ADAMTS1: variants seen among roughly 807,000 people sequenced by gnomAD.
The protein encoded by ADAMTS1 is A disintegrin and metalloproteinase with thrombospondin motifs 1.
In ADAMTS1, 19 loss-of-function variants were observed where a neutral mutation model predicts 87.9. The ratio of observed to expected loss-of-function variants is 0.22; its 90% confidence interval spans 0.15 to 0.32. The LOEUF (loss-of-function observed/expected upper bound fraction) is 0.32. Ranked by LOEUF, ADAMTS1 falls within the 10% of genes least tolerant of loss-of-function variation. The pLI, the probability that ADAMTS1 is intolerant of heterozygous loss-of-function variation, is 1.00. For missense variants in ADAMTS1, 1,240 were observed against 1,259.1 expected (o/e 0.98, Z 0.23); for synonymous variants, 542 against 501.8 (o/e 1.08, Z -1.07).
Position 26,837,498 on chromosome 21 carries a change from A to C in ADAMTS1, c.*81T>G. On this transcript the variant is annotated 3_prime_UTR_variant, in exon 9 of 9. Coordinates refer to ENST00000284984, the MANE Select transcript of ADAMTS1 (RefSeq NM_006988.5). The stretch of plus-strand genomic sequence containing the variant: ...ACTGGTTACTGGCAAGATACGCTGG[A>C]TCCCTCCAGCCTTCTTGCTTTCCCT... 1 of 1,238,260 alleles carries C rather than the reference A, an allele frequency of 8.1e-7. No homozygotes were observed. The highest frequency in any genetic ancestry group is 1.2e-6 in the Non-Finnish European group (1 of 862,238). 76.7% of individuals were successfully genotyped at this position (1,238,260 alleles called of 1,614,324 possible).
At position 26,841,899 on chromosome 21, in the gene ADAMTS1, T is replaced by C. The variant is rs1430552225; in HGVS notation, c.1169A>G (p.Asp390Gly). ...DPSRSCSVIEDDGLQAAFTTA... is the reference protein window; with the variant it reads ...DPSRSCSVIEGDGLQAAFTTA... ...GGTGAAGGCAGCTTGTAAACCATCA[T>C]CTTCTATGACGGAGCAGCTTCTGCT... Residue 390 changes from aspartate (D) to glycine (G), a missense_variant, in exon 3 of 9, where the codon GAT becomes GGT. Asp to Gly is a moderately conservative substitution (Grantham distance 94). Coordinates refer to ENST00000284984, the MANE Select transcript of ADAMTS1 (RefSeq NM_006988.5). 1.2e-6 allele frequency: 2 copies of C among 1,614,054 alleles called. No individual in the cohort carries two copies. The highest frequency in any genetic ancestry group is 4.5e-5 in the East Asian group (2 of 44,870).
At position 26,844,400 on chromosome 21, in the gene ADAMTS1, G is replaced by A. The variant is rs1274556883; in HGVS notation, c.555C>T (p.Leu185=). ...CGTCGCCCTGCCGATTCCGCCGCAG[G>A]AGGTGGAACTGTAGTGGTGCCGGCG... ...EKPPAPLQFH[L]LRRNRQGDVG... is the part of the protein sequence containing the mutation. The change falls in exon 1 of 9, where the codon CTC becomes CTT. Residue 185 remains leucine (L), a synonymous_variant. Coordinates refer to ENST00000284984, the MANE Select transcript of ADAMTS1 (RefSeq NM_006988.5). 3.1e-6 allele frequency: 5 copies of A among 1,595,626 alleles called. No homozygotes were observed. Among genetic ancestry groups the A allele is most frequent in the East Asian group, 2.3e-5 (1 of 43,838 alleles).
intron 7 of ADAMTS1, 91 bp downstream of exon 7, chr21:26,839,496 G>T: frequency 8.3e-7 from 1 of 1,202,840 alleles, no homozygotes; most frequent in Non-Finnish European, 1.1e-6. Context: ...ATGTTAATAT[G>T]GAAAGCAAAG....
At position 26,839,682 on chromosome 21, in the gene ADAMTS1, A is replaced by G. The variant is rs1215015839; in HGVS notation, c.1933T>C (p.Trp645Arg). 1 of 1,613,996 alleles carries G rather than the reference A, an allele frequency of 6.2e-7. No individual in the cohort carries two copies. The highest frequency in any genetic ancestry group is 8.5e-7 in the Non-Finnish European group (1 of 1,179,890). The change falls in exon 7 of 9, where the codon TGG (tryptophan) becomes CGG (arginine). Residue 645 changes from tryptophan (W) to arginine (R), a missense_variant. Around this residue, in one of 3 missense-constraint regions of ADAMTS1, gnomAD observed 402 missense variants for 399.1 expected, o/e 1.01. Transcript: ENST00000284984. ...ASFGSGPAVE[W>R]IPKYAGVSPK... ...GAGACGCCAGCGTACTTGGGAATCC[A>G]TTCCACCGCAGGCCCACTCCCAAAG...
rs979194519 is a variant in ADAMTS1, at chr21:26,845,103, A to G, written c.-149T>C. On this transcript the variant is annotated 5_prime_UTR_variant, in exon 1 of 9. Transcript: ENST00000284984. Reference sequence around the variant, plus strand: ...TGGAAGGGCGCGCAGAGCCGGCTACAGCCGAAGCTCCCGGAGTCACTAAAA... The same window carrying G: ...TGGAAGGGCGCGCAGAGCCGGCTACGGCCGAAGCTCCCGGAGTCACTAAAA... 21 of 1,134,250 alleles carry G rather than the reference A, an allele frequency of 1.9e-5. No individual in the cohort carries two copies. The African/African-American group carries it at 2.9e-4, about 16-fold the overall frequency. 70.3% of individuals were successfully genotyped at this position (1,134,250 alleles called of 1,614,324 possible).
At position 26,844,614 on chromosome 21, in the gene ADAMTS1, G is replaced by C; in HGVS notation, c.341C>G (p.Pro114Arg). 1 of 1,609,844 alleles carries C rather than the reference G, an allele frequency of 6.2e-7. No homozygotes were observed. The highest frequency in any genetic ancestry group is 1.7e-5 in the Admixed American group (1 of 59,634). The change falls in exon 1 of 9, where the codon CCG becomes CGG. Residue 114 changes from proline (P) to arginine (R), a missense_variant. Physicochemically the swap from Pro to Arg is moderately radical, Grantham distance 103 (BLOSUM62 -2). Transcript: ENST00000284984. Reference sequence around the variant, plus strand: ...GTGCGCCAGGTCGGTTTCCGGAAGCGGCGTCTCGGACCCGGATTTGCGCCC... The same window carrying C: ...GTGCGCCAGGTCGGTTTCCGGAAGCCGCGTCTCGGACCCGGATTTGCGCCC... ...NVGRKSGSET[P>R]LPETDLAHCF...
intron 1 of ADAMTS1, 45 bp downstream of exon 1, chr21:26,844,177 TGAG>T (rs764317199): frequency 1.9e-5 from 29 of 1,509,866 alleles, no homozygotes; most frequent in Non-Finnish European, 2.4e-5. Context: ...ATAGATAAAG[TGAG>T]GAGAGGAGGA....
chr21:26,837,519 T>G lies in ADAMTS1; in HGVS notation c.*60A>C. ...CTGGATCCCTCCAGCCTTCTTGCTT[T>G]CCCTGCACCAGCCCTTCCTCACTTT... On this transcript the variant is annotated 3_prime_UTR_variant, in exon 9 of 9. Coordinates refer to ENST00000284984, the MANE Select transcript of ADAMTS1 (RefSeq NM_006988.5). The G allele has an allele frequency of 6.7e-7, 1 of 1,495,504 alleles. No individual in the cohort carries two copies. Among genetic ancestry groups the G allele is most frequent in the South Asian group, 1.2e-5 (1 of 83,138 alleles). 92.6% of individuals were successfully genotyped at this position (1,495,504 alleles called of 1,614,324 possible).
rs764149441 is a variant in ADAMTS1 at position 26,840,360 on chromosome 21, C to T, written c.1581G>A (p.Pro527=). ...GVLVCQTKHF[P]WADGTSCGEG... ...CTCCACAGCTGGTGCCATCCGCCCA[C>T]GGGAAGTGTTTGGTTTGACACACCA... Residue 527 remains proline (P), a synonymous_variant, in exon 5 of 9, where the codon CCG becomes CCA. Transcript: ENST00000284984. The T allele has an allele frequency of 3.3e-5, 53 of 1,614,108 alleles. No homozygotes were observed. The highest frequency in any genetic ancestry group is 5.5e-5 in the South Asian group (5 of 91,090).
Position 26,844,376 on chromosome 21 carries a change from G to C in ADAMTS1, c.579C>G (p.Asp193Glu), listed in dbSNP as rs900059652. 3.2e-5 allele frequency: 51 copies of C among 1,590,958 alleles called. No individual in the cohort carries two copies. Among genetic ancestry groups the C allele is most frequent in the Non-Finnish European group, 4.1e-5 (48 of 1,171,824 alleles). ...FHLLRRNRQGDVGGTCGVVDD... is the reference protein window; with the variant it reads ...FHLLRRNRQGEVGGTCGVVDD... ...CCACGACCCCGCACGTGCCGCCGACGTCGCCCTGCCGATTCCGCCGCAGGA... is the reference window on the plus strand; with the variant it reads ...CCACGACCCCGCACGTGCCGCCGACCTCGCCCTGCCGATTCCGCCGCAGGA... Residue 193 changes from aspartate to glutamate, a missense_variant, in exon 1 of 9, where the codon GAC becomes GAG. This residue lies in a region of ADAMTS1 where 521 missense variants were observed against 449.7 expected (regional missense o/e 1.16). Coordinates refer to ENST00000284984, the MANE Select transcript of ADAMTS1 (RefSeq NM_006988.5).
In ADAMTS1 at chr21:26,842,579, C is replaced by T. The variant is rs551770604; in HGVS notation, c.837G>A (p.Lys279=). ...CCGAAAACAACGTGAGAAGGTAATG[C>T]TTTAGACCACTGCCGTGGAATTCTG... ...SMAEFHGSGL[K]HYLLTLFSVA... The change falls in exon 2 of 9, where the codon AAG becomes AAA. Residue 279 remains lysine, a synonymous_variant. Transcript: ENST00000284984. 3.9e-4 allele frequency: 623 copies of T among 1,614,108 alleles called. 8 individuals are homozygous for T. In the South Asian group the frequency reaches 6.2e-3, roughly 16 times the overall value.
intron 1 of ADAMTS1, chr21:26,842,979 C>T (rs1371844615): frequency 2.0e-5 from 8 of 398,378 alleles, no homozygotes; most frequent in Non-Finnish European, 3.2e-5. Flanking sequence ...CAATTTCGCA[C>T]ATAATCCTAC....
rs999124809 is a variant in ADAMTS1, at chr21:26,838,022, A to G, written c.2461T>C (p.Leu821=). ...CCCACAGTAAGAACCTGGATGGTCA[A>G]GGGCTCTTTGAGAGGGCTAAAGCTG... is the stretch of plus-strand genomic sequence containing the variant. ...IRSFSPLKEP[L]TIQVLTVGNA... is the part of the protein sequence containing the mutation. Residue 821 remains leucine, a synonymous_variant, in exon 9 of 9, where the codon TTG becomes CTG. Coordinates refer to ENST00000284984, the MANE Select transcript of ADAMTS1 (RefSeq NM_006988.5). The G allele has an allele frequency of 6.2e-7, 1 of 1,614,244 alleles. No individual in the cohort carries two copies. Among genetic ancestry groups the G allele is most frequent in the Non-Finnish European group, 8.5e-7 (1 of 1,180,040 alleles).
In ADAMTS1 at chr21:26,840,001, C is replaced by T. The variant is rs146313892; in HGVS notation, c.1726G>A (p.Gly576Ser). The part of the protein sequence containing the change: ...GPWGDCSRTC[G>S]GGVQYTMREC... ...CTCATCGTGTACTGGACTCCTCCAC[C>T]GCACGTTCTCGAACAGTCTCCCCAA... is the stretch of plus-strand genomic sequence containing the variant. Residue 576 changes from glycine to serine, a missense_variant, in exon 6 of 9, where the codon GGT becomes AGT. Coordinates refer to ENST00000284984, the MANE Select transcript of ADAMTS1 (RefSeq NM_006988.5). 683 of 1,614,054 alleles carry T rather than the reference C, an allele frequency of 4.2e-4. 1 individual carries two copies. In the African/African-American group the frequency reaches 6.5e-3, roughly 15 times the overall value.
In ADAMTS1 at chr21:26,835,982, C is replaced by A. The variant is rs187477544; in HGVS notation, c.*1597G>T. ...GTTATTGACAGGATTGACAAAGTTG[C>A]AAATATTTACCATTTGGCTTTTTAC... is the stretch of plus-strand genomic sequence containing the variant. On this transcript the variant is annotated 3_prime_UTR_variant, in exon 9 of 9. Coordinates refer to ENST00000284984, the MANE Select transcript of ADAMTS1 (RefSeq NM_006988.5). The A allele has an allele frequency of 1.3e-5, 2 of 152,282 alleles. No homozygotes were observed. Among genetic ancestry groups the A allele is most frequent in the East Asian group, 3.9e-4 (2 of 5,188 alleles). 9.4% of individuals were successfully genotyped at this position (152,282 alleles called of 1,614,324 possible).
At chr21:26,842,808 A>C (rs1329647471) in intron 1 of ADAMTS1, 123 bp from the exon 2 acceptor site, 2 of 728,084 alleles carry the variant, frequency 2.7e-6, no homozygotes, top group African/African-American at 1.8e-5. Flanking sequence ...CAGAACAACA[A>C]TAACAAAAAT....
At chr21:26,838,331 A>ATT in intron 8 of ADAMTS1, 53 bp from the exon 9 acceptor site, 1 of 1,573,466 alleles carries the variant, frequency 6.4e-7, no homozygotes, top group Non-Finnish European at 8.6e-7. Context: ...TAATTAGATT[A>ATT]TTTAGCTTAA....
At position 26,841,853 on chromosome 21, in the gene ADAMTS1, C is replaced by T; in HGVS notation, c.1210+5G>A. 1 of 1,610,542 alleles carries T rather than the reference C, an allele frequency of 6.2e-7. No homozygotes were observed. Among genetic ancestry groups the T allele is most frequent in the Non-Finnish European group, 8.5e-7 (1 of 1,179,110 alleles). ...AGCTTAACTTCTACTTTGAAGCAGA[C>T]TTACCTAATTCATGGGCTGTGGTGA... is the stretch of plus-strand genomic sequence containing the variant. On this transcript the variant is annotated splice_donor_5th_base_variant and intron_variant, in intron 3 of 8. Transcript: ENST00000284984.
In ADAMTS1 at chr21:26,844,553, G is replaced by C. The variant is rs1985573960; in HGVS notation, c.402C>G (p.Ser134Arg). The change falls in exon 1 of 9, where the codon AGC becomes AGG. Residue 134 changes from serine (S) to arginine (R), a missense_variant. Physicochemically the swap from Ser to Arg is moderately radical, Grantham distance 110. This residue lies in a region of ADAMTS1 where 521 missense variants were observed against 449.7 expected (regional missense o/e 1.16). Transcript: ENST00000284984. ...FYSGTVNGDP[S>R]SAAALSLCEG... ...CGCAGAGGCTGAGGGCGGCAGCCGA[G>C]CTGGGATCGCCATTCACGGTGCCGG... is the stretch of plus-strand genomic sequence containing the variant. 1.2e-6 allele frequency: 2 copies of C among 1,609,630 alleles called. No homozygotes were observed. Among genetic ancestry groups the C allele is most frequent in the Non-Finnish European group, 1.7e-6 (2 of 1,178,362 alleles).
Sources: gnomAD v4.1 joint callset for allele counts on GRCh38, gnomAD v4.1.1 for gene constraint, gnomAD v4.1.1 regional missense constraint, MANE v1.5 for transcripts, NCBI Gene and HGNC (gene_info 2026-07-23, HGNC 2026-07-21) for gene names.